LINGO3: variants seen among roughly 807,000 people sequenced by gnomAD.
LINGO3 encodes the protein leucine rich repeat and Ig domain containing 3, also known as leucine-rich repeat and immunoglobulin-like domain-containing nogo receptor-interacting protein 3.
For missense variants in LINGO3, 750 were observed against 867.7 expected, an observed-to-expected ratio of 0.86 and a Z score of 1.70; for synonymous variants, 427 against 444.2, an observed-to-expected ratio of 0.96 and a Z score of 0.49.
At chr19:2,301,148 G>A in the LINGO3 span, among the ~76,000 whole-genome samples, 1 of 152,196 alleles carries the variant, frequency 6.6e-6, no homozygotes, top group Non-Finnish European at 1.5e-5. Flanking sequence ...CACGCCCTGA[G>A]TGGGAGGGAG....
At chr19:2,297,087 G>A in the LINGO3 span, among the ~76,000 whole-genome samples, 11 of 150,688 alleles carry the variant, frequency 7.3e-5, no homozygotes, top group South Asian at 4.2e-4. Context: ...GCGAGACTCC[G>A]TCTCAAAAAA....
chr19:2,290,665 T>C lies in LINGO3; in HGVS notation c.1112A>G (p.Asn371Ser). ...GCAGGCCGGCAGCCGCCCGTCGAAG[T>C]TGAGGGTCTTGCGACGCTGCACGAT... The change falls in exon 1 of 1, where the codon AAC becomes AGC. Residue 371 changes from asparagine to serine, a missense_variant. Physicochemically the swap from Asn to Ser is conservative, Grantham distance 46. Coordinates refer to ENST00000585527, the Ensembl canonical transcript of LINGO3. This position sits in a 1 kb window ranked among gnomAD's most constrained non-coding sequence, Gnocchi z 6.0. The C allele has an allele frequency of 1.2e-6, 2 of 1,606,796 alleles. No homozygotes were observed. The highest frequency in any genetic ancestry group is 2.2e-5 in the East Asian group (1 of 44,618).
chr19:2,294,094 C>T (rs1312052987), upstream of LINGO3, among the ~76,000 whole-genome samples: 6 of 152,142 alleles, frequency 3.9e-5, no homozygotes, highest in Non-Finnish European at 7.4e-5. This position sits in a 1 kb window ranked among gnomAD's most constrained non-coding sequence, Gnocchi z 4.3. Context: ...TCCGTGCCTG[C>T]TGTGCACGGG....
the LINGO3 span, among the ~76,000 whole-genome samples, chr19:2,303,336 GC>G: frequency 7.4e-6 from 1 of 134,924 alleles, no homozygotes; most frequent in Non-Finnish European, 1.6e-5. Flanking sequence ...GCGCTGAGGA[GC>G]GGAGCTAGCA....
At chr19:2,307,464 G>A in the LINGO3 span, among the ~76,000 whole-genome samples, 2 of 152,176 alleles carry the variant, frequency 1.3e-5, no homozygotes, top group African/African-American at 4.8e-5. Flanking sequence ...CAGAGGCCCG[G>A]GAGGTGGCGG....
chr19:2,292,049 G>C (rs1467973438), upstream of LINGO3: 4 of 443,440 alleles, frequency 9.0e-6, no homozygotes, highest in East Asian at 2.5e-4. Flanking sequence ...TGAGCCGCAT[G>C]TGGTGGTGTA....
At position 2,290,443 on chromosome 19, in the gene LINGO3, TG is replaced by T; in HGVS notation, c.1333del (p.Gln445SerfsTer5). Reference sequence around the variant, plus strand: ...GCTGGTGGCCGTCACCGGCCGGTGCTGGGGGGTCACCCAGGCCACGGTGGGC... The same window carrying T: ...GCTGGTGGCCGTCACCGGCCGGTGCTGGGGGTCACCCAGGCCACGGTGGGC... On this transcript the variant is annotated frameshift_variant, in exon 1 of 1. Coordinates refer to ENST00000585527, the Ensembl canonical transcript of LINGO3. LOFTEE classifies it low-confidence loss of function (END_TRUNC). This position sits in a 1 kb window ranked among gnomAD's most constrained non-coding sequence, Gnocchi z 6.0. 11 of 1,451,072 alleles carry T rather than the reference TG, an allele frequency of 7.6e-6. No individual in the cohort carries two copies. Among genetic ancestry groups the T allele is most frequent in the South Asian group, 1.4e-5 (1 of 71,278 alleles). 89.9% of individuals were successfully genotyped at this position (1,451,072 alleles called of 1,614,324 possible).
At chr19:2,300,434 T>TC in the LINGO3 span, among the ~76,000 whole-genome samples, 2 of 151,560 alleles carry the variant, frequency 1.3e-5, no homozygotes, top group African/African-American at 4.9e-5. Context: ...TCCTCATCGG[T>TC]CCCTCGGACC....
downstream of LINGO3, among the ~76,000 whole-genome samples, chr19:2,288,895 C>T (rs925867342): frequency 2.0e-5 from 3 of 151,514 alleles, no homozygotes; most frequent in South Asian, 2.1e-4. This position sits in a 1 kb window ranked among gnomAD's most constrained non-coding sequence, Gnocchi z 6.5. Flanking sequence ...TGTGCTCTCA[C>T]GAGAGCCCTG....
chr19:2,291,231 C>T (rs2025517257), exon 1 of LINGO3: 1 of 1,611,576 alleles, frequency 6.2e-7, no homozygotes, highest in Non-Finnish European at 8.5e-7. Flanking sequence ...GGTTGCAGCG[C>T]TCCAGGGTCA....
the LINGO3 span, among the ~76,000 whole-genome samples, chr19:2,304,987 G>A: frequency 6.6e-6 from 1 of 152,088 alleles, no homozygotes; most frequent in Non-Finnish European, 1.5e-5. Context: ...CAGACTACAA[G>A]CGTGAGCCAC....
At chr19:2,304,730 T>A in the LINGO3 span, among the ~76,000 whole-genome samples, 2 of 143,654 alleles carry the variant, frequency 1.4e-5, no homozygotes, top group Non-Finnish European at 3.1e-5. Flanking sequence ...TTTTTTTTTT[T>A]TTTTTGAGAC....
chr19:2,291,122 G>A (rs1162488897), exon 1 of LINGO3: 1 of 1,607,726 alleles, frequency 6.2e-7, no homozygotes, highest in Admixed American at 1.7e-5. Context: ...GGCAGCCTGC[G>A]GAAGTTCTGG....
exon 1 of LINGO3, chr19:2,289,886 T>C: frequency 4.5e-6 from 4 of 885,356 alleles, no homozygotes; most frequent in Non-Finnish European, 6.8e-6. Context: ...GGGGAAGTTC[T>C]GCCTGGGGAG....
chr19:2,298,208 T>G, the LINGO3 span, among the ~76,000 whole-genome samples: 2 of 152,020 alleles, frequency 1.3e-5, no homozygotes, highest in African/African-American at 4.8e-5. Flanking sequence ...AATTAGAGGT[T>G]TCTTTTTAAG....
Position 2,290,185 on chromosome 19 carries a change from G to A in LINGO3, c.1592C>T (p.Thr531Ile). ...CAGGAAGGTGATGCAGCCCATGGCG[G>A]TGGACACCAGGATGGTGGTGAGGTC... is the stretch of plus-strand genomic sequence containing the variant. The change falls in exon 1 of 1, where the codon ACC becomes ATC. Residue 531 changes from threonine (T) to isoleucine (I), a missense_variant. Transcript: ENST00000585527. This position sits in a 1 kb window ranked among gnomAD's most constrained non-coding sequence, Gnocchi z 6.0. The A allele has an allele frequency of 6.2e-7, 1 of 1,611,792 alleles. No homozygotes were observed. Among genetic ancestry groups the A allele is most frequent in the South Asian group, 1.1e-5 (1 of 91,040 alleles).
the LINGO3 span, among the ~76,000 whole-genome samples, chr19:2,306,390 C>T: frequency 2.0e-5 from 3 of 152,186 alleles, no homozygotes; most frequent in Non-Finnish European, 2.9e-5. Flanking sequence ...CAACTTTGCT[C>T]GCAGAGTTCT....
chr19:2,289,716 C>G, downstream of LINGO3: 1 of 326,678 alleles, frequency 3.1e-6, no homozygotes, highest in Non-Finnish European at 5.6e-6. Context: ...TAGACGGGAG[C>G]CCATCCCCCC....
chr19:2,288,839 G>A (rs1018632776), downstream of LINGO3, among the ~76,000 whole-genome samples: 10 of 152,090 alleles, frequency 6.6e-5, no homozygotes, highest in African/African-American at 1.4e-4. This position sits in a 1 kb window ranked among gnomAD's most constrained non-coding sequence, Gnocchi z 6.5. Context: ...TCAGTTATGC[G>A]TTGTGCCTGT....
Sources: allele counts gnomAD v4.1 joint callset (sites outside exome capture counted in the v4.1 genomes callset), GRCh38; gene constraint gnomAD v4.1.1; non-coding constraint Gnocchi (gnomAD v3.1); transcripts MANE v1.5; gene names NCBI Gene and HGNC (gene_info 2026-07-23, HGNC 2026-07-21).